The following INPP5F variants were observed in gnomAD, a reference collection of about 807,000 sequenced individuals.
INPP5F encodes the protein inositol polyphosphate-5-phosphatase F.
In INPP5F, 97 loss-of-function variants were observed where a neutral mutation model predicts 137.2. That is an observed-to-expected ratio of 0.71 (90% CI 0.60 to 0.84). The LOEUF (loss-of-function observed/expected upper bound fraction) is 0.84. Ranked by LOEUF, INPP5F falls within the 40% of genes least tolerant of loss-of-function variation. The pLI is 0.00. For synonymous variants in INPP5F, 504 were observed against 476.9 expected (o/e 1.06, Z -0.74); for missense variants, 1,271 against 1,371.9 (o/e 0.93, Z 1.16).
intron 1 of INPP5F, among the ~76,000 whole-genome samples, chr10:119,728,524 C>T (rs907454201): frequency 1.3e-5 from 2 of 152,090 alleles, no homozygotes; most frequent in African/African-American, 4.8e-5. Flanking sequence ...TTCATTGTTT[C>T]CTACTGGTTA....
chr10:119,774,970 T>G (rs1320578705), intron 2 of INPP5F, among the ~76,000 whole-genome samples: 1 of 150,224 alleles, frequency 6.7e-6, no homozygotes, highest in Non-Finnish European at 1.5e-5. Flanking sequence ...TTTTCCTCAC[T>G]GTTTCAGTCT....
rs531731092 is a variant in INPP5F at position 119,824,455 on chromosome 10, G to T, written c.2249+553G>T. On this transcript the variant is annotated intron_variant, in intron 19 of 19. Transcript: ENST00000650623. ...CAGTGTTCTTTCCTGATGAAGCTAA[G>T]GTTATGCATGGTCAGGAAGGACACC... 3.0e-4 allele frequency among the ~76,000 whole-genome samples: 46 copies of T among 152,292 alleles called. 1 individual carries two copies. The South Asian group carries it at 8.9e-3, about 29-fold the overall frequency.
At chr10:119,788,596 A>G (rs1224056616) in intron 3 of INPP5F, among the ~76,000 whole-genome samples, 1 of 152,144 alleles carries the variant, frequency 6.6e-6, no homozygotes, top group Non-Finnish European at 1.5e-5. Flanking sequence ...TATAGTCCTT[A>G]CAGTTCCAGT....
At chr10:119,767,117 A>AAAAAAAC (rs1849192272) in intron 2 of INPP5F, among the ~76,000 whole-genome samples, 2 of 149,350 alleles carry the variant, frequency 1.3e-5, no homozygotes, top group Admixed American at 1.4e-4. Flanking sequence ...GAAAAAAAAA[A>AAAAAAAC]AAAAAAAAAA....
At chr10:119,769,782 C>CT (rs1213566584) in intron 2 of INPP5F, among the ~76,000 whole-genome samples, 2 of 152,158 alleles carry the variant, frequency 1.3e-5, no homozygotes, top group African/African-American at 2.4e-5. Flanking sequence ...TGGACTGGGA[C>CT]TTTTACCATT....
At chr10:119,747,700 A>G (rs1472863220) in intron 1 of INPP5F, among the ~76,000 whole-genome samples, 1 of 152,178 alleles carries the variant, frequency 6.6e-6, no homozygotes, top group African/African-American at 2.4e-5. Context: ...TTAATTAGAG[A>G]GGCAAATATT....
intron 2 of INPP5F, among the ~76,000 whole-genome samples, chr10:119,780,263 T>C (rs191305863): frequency 6.6e-5 from 10 of 151,936 alleles, no homozygotes; most frequent in African/African-American, 2.4e-4. Context: ...AGGTATTCTT[T>C]TATGCTTTGA....
chr10:119,826,062 C>T (rs1851746663), intron 19 of INPP5F: 1 of 398,262 alleles, frequency 2.5e-6, no homozygotes, highest in Non-Finnish European at 4.4e-6. Context: ...TTACTCCTGT[C>T]TCCCCCCACT....
Position 119,791,807 on chromosome 10 carries a change from G to C in INPP5F, c.445-62G>C, listed in dbSNP as rs539349606. 7.4e-4 allele frequency: 1,049 copies of C among 1,414,894 alleles called. 1 individual carries two copies. Among genetic ancestry groups the C allele is most frequent in the Non-Finnish European group, 9.4e-4 (970 of 1,036,278 alleles). The allele number at this position is 1,414,894 out of a possible 1,614,324, so 87.6% of individuals were successfully genotyped here. On this transcript the variant is annotated intron_variant, in intron 4 of 19. Transcript: ENST00000650623. ...TTTCACTTCTGTCTTAGGAATTTAT[G>C]TGTTATCCCCAGACTACTTTACATT...
intron 1 of INPP5F, among the ~76,000 whole-genome samples, chr10:119,742,005 G>C (rs1848389202): frequency 6.6e-6 from 1 of 152,068 alleles, no homozygotes; most frequent in African/African-American, 2.4e-5. Flanking sequence ...ATTTTTAGTA[G>C]AGATGGGGTT....
intron 13 of INPP5F, among the ~76,000 whole-genome samples, chr10:119,809,534 C>T (rs537915452): frequency 6.6e-6 from 1 of 152,296 alleles, no homozygotes; most frequent in South Asian, 2.1e-4. Flanking sequence ...GGGACTTGCT[C>T]TGACATCTTT....
Position 119,827,123 on chromosome 10 carries a change from C to G in INPP5F, c.2742C>G (p.Ser914Arg), listed in dbSNP as rs548022613. 55 of 1,614,140 alleles carry G rather than the reference C, an allele frequency of 3.4e-5. No homozygotes were observed. The South Asian group carries it at 5.6e-4, about 16-fold the overall frequency. ...AGTCTCTTAGCAGCACAGATAGTAGCGTTCATGCTCCTTCAGAGATTACTG... is the reference window on the plus strand; with the variant it reads ...AGTCTCTTAGCAGCACAGATAGTAGGGTTCATGCTCCTTCAGAGATTACTG... Reference protein sequence around the residue: ...RSQSLSSTDSSVHAPSEITVA... With the variant: ...RSQSLSSTDSRVHAPSEITVA... The change falls in exon 20 of 20, where the codon AGC (serine) becomes AGG (arginine). Residue 914 changes from serine to arginine, a missense_variant. Ser to Arg is a moderately radical substitution (Grantham distance 110, BLOSUM62 -1). Around this residue, in one of 6 missense-constraint regions of INPP5F, gnomAD observed 490 missense variants for 443.7 expected, o/e 1.10. Coordinates refer to ENST00000650623, the MANE Select transcript of INPP5F (RefSeq NM_014937.4).
Position 119,791,876 on chromosome 10 carries a change from A to G in INPP5F, c.452A>G (p.Glu151Gly), listed in dbSNP as rs1232166375. The G allele has an allele frequency of 1.9e-6, 3 of 1,603,458 alleles. No individual in the cohort carries two copies. Among genetic ancestry groups the G allele is most frequent in the Non-Finnish European group, 2.6e-6 (3 of 1,173,566 alleles). The change falls in exon 5 of 20, where the codon GAA becomes GGA. Residue 151 changes from glutamate to glycine, a missense_variant. Transcript: ENST00000650623. Reference protein sequence around the residue: ...VSAPNKKKVKESKEKEKLERR... With the variant: ...VSAPNKKKVKGSKEKEKLERR... ...TAGATTAATTTCTTATAGGTTAAGG[A>G]AAGTAAAGAGAAGGAGAAGTTGGAG...
At chr10:119,757,120 G>A (rs1483541766) in intron 2 of INPP5F, among the ~76,000 whole-genome samples, 1 of 151,954 alleles carries the variant, frequency 6.6e-6, no homozygotes. Flanking sequence ...TGTCGCCCAG[G>A]CTGGAGTGCA....
chr10:119,818,038 T>A (rs534327516), intron 15 of INPP5F, among the ~76,000 whole-genome samples: 1 of 152,298 alleles, frequency 6.6e-6, no homozygotes, highest in Non-Finnish European at 1.5e-5. Flanking sequence ...GCCTAGGGCA[T>A]TGGTCGCCGG....
chr10:119,814,051 C>A (rs1851156853), intron 15 of INPP5F, among the ~76,000 whole-genome samples: 1 of 152,092 alleles, frequency 6.6e-6, no homozygotes, highest in Admixed American at 6.5e-5. Context: ...AATTTGACTT[C>A]CCGATAACAG....
chr10:119,807,992 T>C lies in INPP5F; in HGVS notation c.1501T>C (p.Tyr501His). ...ATTACCTGTGAAATGTAATCGCATC[T>C]ACCAGATAATGTGGGCCAATAATGG... ...QPLPVKCNRI[Y>H]QIMWANNGDS... Residue 501 changes from tyrosine (Y) to histidine (H), a missense_variant, in exon 13 of 20, where the codon TAC becomes CAC. Physicochemically the swap from Tyr to His is moderately conservative, Grantham distance 83. This residue lies in a region of INPP5F where 593 missense variants were observed against 712.4 expected (regional missense o/e 0.83). Transcript: ENST00000650623. 6.2e-7 allele frequency: 1 copy of C among 1,614,034 alleles called. No individual in the cohort carries two copies. The highest frequency in any genetic ancestry group is 8.5e-7 in the Non-Finnish European group (1 of 1,179,984).
In INPP5F at chr10:119,804,206, GAGA is replaced by G. The variant is rs780065034; in HGVS notation, c.1154_1156del (p.Lys385del). The G allele has an allele frequency of 7.4e-6, 12 of 1,611,010 alleles. No individual in the cohort carries two copies. Among genetic ancestry groups the G allele is most frequent in the Non-Finnish European group, 1.0e-5 (12 of 1,177,942 alleles). On this transcript the variant is annotated inframe_deletion, in exon 10 of 20. Transcript: ENST00000650623. ...TAACTTGGTAGACCAGGCAGGAAGA[GAGA>G]AGATTATTGGCGATGCTTACCTGAA...
Position 119,827,334 on chromosome 10 carries a change from A to T in INPP5F, c.2953A>T (p.Ser985Cys), listed in dbSNP as rs1413115531. ...GACCAGATCTGTGTCTCAGCAGGCT[A>T]GTCAGGAAAGAAATCAAATGACCAA... ...SETRSVSQQA[S>C]QERNQMTNQV... Residue 985 changes from serine to cysteine, a missense_variant, in exon 20 of 20, where the codon AGT becomes TGT. Around this residue, in one of 6 missense-constraint regions of INPP5F, gnomAD observed 490 missense variants for 443.7 expected, o/e 1.10. Transcript: ENST00000650623. The T allele has an allele frequency of 1.2e-6, 2 of 1,614,074 alleles. No homozygotes were observed. The highest frequency in any genetic ancestry group is 1.7e-6 in the Non-Finnish European group (2 of 1,180,006).
Sources: allele counts gnomAD v4.1 joint callset (sites outside exome capture counted in the v4.1 genomes callset), GRCh38; gene constraint gnomAD v4.1.1; regional missense constraint gnomAD v4.1.1; transcripts MANE v1.5; gene names NCBI Gene and HGNC (gene_info 2026-07-23, HGNC 2026-07-21).